Variants in PTPRN observed in about 807,000 individuals in gnomAD.
PTPRN encodes protein tyrosine phosphatase receptor type N, also known as receptor-type tyrosine-protein phosphatase-like N.
PTPRN carries 70 observed loss-of-function variants against 108.5 expected under a neutral mutation model. The ratio of observed to expected loss-of-function variants is 0.65; its 90% confidence interval spans 0.53 to 0.79. The LOEUF is 0.79. Among genes scored for constraint, PTPRN ranks in the 30% least tolerant of loss-of-function variants. The pLI is 0.00. For synonymous variants in PTPRN, 496 were observed against 524.6 expected (o/e 0.95, Z 0.75); for missense variants, 1,136 against 1,295.5 (o/e 0.88, Z 1.89).
intron 10 of PTPRN, 105 bp downstream of exon 10, chr2:219,299,595 G>A: frequency 8.0e-7 from 1 of 1,250,738 alleles, no homozygotes; most frequent in Non-Finnish European, 1.1e-6. Context: ...GCATCCCTGA[G>A]CTCAGAGCTT....
Position 219,307,565 on chromosome 2 carries a change from C to T in PTPRN, c.167-8G>A, listed in dbSNP as rs879120442. The T allele has an allele frequency of 6.2e-7, 1 of 1,612,646 alleles. No individual in the cohort carries two copies. The highest frequency in any genetic ancestry group is 8.5e-7 in the Non-Finnish European group (1 of 1,179,052). ...ACTGCCCAAACAAGCCATCTAAGGGCACAAAAGTGGTGTCAGCAGGGGGCT... is the reference window on the plus strand; with the variant it reads ...ACTGCCCAAACAAGCCATCTAAGGGTACAAAAGTGGTGTCAGCAGGGGGCT... On this transcript the variant is annotated splice_region_variant and splice_polypyrimidine_tract_variant and intron_variant, in intron 2 of 22. Coordinates refer to ENST00000295718, the MANE Select transcript of PTPRN (RefSeq NM_002846.4).
Position 219,309,340 on chromosome 2 carries a change from A to G in PTPRN, c.-8T>C. Reference sequence around the variant, plus strand: ...CCGCCGCGGGCGCCGCATCTTTCCGAGCTCCGGGCGCTCGCTCCCGGGCCG... The same window carrying G: ...CCGCCGCGGGCGCCGCATCTTTCCGGGCTCCGGGCGCTCGCTCCCGGGCCG... On this transcript the variant is annotated 5_prime_UTR_variant, in exon 1 of 23. Transcript: ENST00000295718. 7.1e-7 allele frequency: 1 copy of G among 1,399,064 alleles called. No individual in the cohort carries two copies. Among genetic ancestry groups the G allele is most frequent in the Non-Finnish European group, 9.4e-7 (1 of 1,062,482 alleles). The allele number at this position is 1,399,064 out of a possible 1,614,324, so 86.7% of individuals were successfully genotyped here. A position where few individuals can be genotyped will look rare whatever the true frequency, so the allele number is the denominator to read the frequency against.
intron 12 of PTPRN, 29 bp downstream of exon 12, chr2:219,299,018 C>A (rs757353915): frequency 6.2e-7 from 1 of 1,613,102 alleles, no homozygotes; most frequent in East Asian, 2.2e-5. Context: ...CCTCTGGGGA[C>A]TTGGACTGAT....
Position 219,290,071 on chromosome 2 carries a change from C to T in PTPRN, c.*155G>A, listed in dbSNP as rs1054106473. On this transcript the variant is annotated 3_prime_UTR_variant, in exon 23 of 23. Transcript: ENST00000295718. This position sits in a 1 kb window ranked among gnomAD's most constrained non-coding sequence, Gnocchi z 4.2. The stretch of plus-strand genomic sequence containing the variant: ...GCTCTGGCATGCGAGGCTGGGCAGG[C>T]GTGCCCCTTCTGGCTTTCCCTTCCT... The T allele has an allele frequency of 5.6e-6, 4 of 710,450 alleles. No individual in the cohort carries two copies. The highest frequency in any genetic ancestry group is 5.5e-5 in the East Asian group (2 of 36,614). 44.0% of individuals were successfully genotyped at this position (710,450 alleles called of 1,614,324 possible).
Position 219,290,537 on chromosome 2 carries a change from C to T in PTPRN, c.2868+1G>A. 6.4e-7 allele frequency: 1 copy of T among 1,551,518 alleles called. No individual in the cohort carries two copies. The highest frequency in any genetic ancestry group is 8.7e-7 in the Non-Finnish European group (1 of 1,146,866). On this transcript the variant is annotated splice_donor_variant, in intron 22 of 22. Coordinates refer to ENST00000295718, the MANE Select transcript of PTPRN (RefSeq NM_002846.4). LOFTEE classifies it high-confidence loss of function. The surrounding 1 kb of genome is among the most constrained non-coding windows in gnomAD (Gnocchi z 4.2). ...GGGTTGGGGCAGGAAGGCATGGTCA[C>T]CTTAGAGCGGACAAGGCCAGGCCGC...
chr2:219,290,657 G>GAGGAC lies in PTPRN; in HGVS notation c.2795-51_2795-47dup. The GAGGAC allele has an allele frequency of 6.5e-7, 1 of 1,527,602 alleles. No individual in the cohort carries two copies. The highest frequency in any genetic ancestry group is 8.9e-7 in the Non-Finnish European group (1 of 1,124,460). The allele number at this position is 1,527,602 out of a possible 1,614,324, so 94.6% of individuals were successfully genotyped here. A position where few individuals can be genotyped will look rare whatever the true frequency, so the allele number is the denominator to read the frequency against. On this transcript the variant is annotated intron_variant, in intron 21 of 22. Transcript: ENST00000295718. This position sits in a 1 kb window ranked among gnomAD's most constrained non-coding sequence, Gnocchi z 4.2. ...GGGGCTGCTCAGGGGGTGTCCAGAGGAGGACAGGACCCAGAAAACCTGAGG... is the reference window on the plus strand; with the variant it reads ...GGGGCTGCTCAGGGGGTGTCCAGAGGAGGACAGGACAGGACCCAGAAAACCTGAGG...
In PTPRN at chr2:219,296,630, A is replaced by C; in HGVS notation, c.2311-114T>G. 1 of 1,557,400 alleles carries C rather than the reference A, an allele frequency of 6.4e-7. No individual in the cohort carries two copies. The highest frequency in any genetic ancestry group is 8.8e-7 in the Non-Finnish European group (1 of 1,135,434). On this transcript the variant is annotated intron_variant, in intron 16 of 22. Transcript: ENST00000295718. The surrounding 1 kb of genome is among the most constrained non-coding windows in gnomAD (Gnocchi z 6.0). ...AGGCTGGCAGTTCCCCCTTGCTAGG[A>C]TATCAGGCCCCACCACTCCAGGGGG...
intron 1 of PTPRN, chr2:219,308,913 CTGTGGT>C: frequency 7.2e-7 from 1 of 1,388,792 alleles, no homozygotes; most frequent in South Asian, 1.2e-5. Context: ...GTGGCTTCTC[CTGTGGT>C]CTCGCAGCCG....
intron 10 of PTPRN, 154 bp from the exon 11 acceptor site, chr2:219,299,538 G>T: frequency 8.9e-7 from 1 of 1,128,722 alleles, no homozygotes; most frequent in Non-Finnish European, 1.3e-6. Context: ...ATGCTGGGTG[G>T]GGCCAGCAAC....
At chr2:219,307,095 A>G (rs1952502787) in intron 3 of PTPRN, 1 of 194,988 alleles carries the variant, frequency 5.1e-6, no homozygotes, top group Admixed American at 5.7e-5. Flanking sequence ...AGTACTCAAT[A>G]AATACTTGTT....
chr2:219,297,775 C>T lies in PTPRN; in HGVS notation c.1887+110G>A. On this transcript the variant is annotated intron_variant, in intron 13 of 22. Transcript: ENST00000295718. The surrounding 1 kb of genome is among the most constrained non-coding windows in gnomAD (Gnocchi z 6.0). Reference sequence around the variant, plus strand: ...TTCTCCAGCCTCCACTGGACCTTCCCAGGGATGAGGGCTCACTCCCCATTC... The same window carrying T: ...TTCTCCAGCCTCCACTGGACCTTCCTAGGGATGAGGGCTCACTCCCCATTC... 7.6e-7 allele frequency: 1 copy of T among 1,313,058 alleles called. No homozygotes were observed. Among genetic ancestry groups the T allele is most frequent in the South Asian group, 1.4e-5 (1 of 69,106 alleles). 81.3% of individuals were successfully genotyped at this position (1,313,058 alleles called of 1,614,324 possible).
At chr2:219,307,253 C>T in intron 3 of PTPRN, 191 bp downstream of exon 3, 1 of 518,324 alleles carries the variant, frequency 1.9e-6, no homozygotes, top group South Asian at 3.4e-5. Context: ...TAGAAGGCTC[C>T]TCTGGGCTTC....
rs1241354337 is a variant in PTPRN at position 219,290,518 on chromosome 2, G to C, written c.2868+20C>G. 6.5e-7 allele frequency: 1 copy of C among 1,549,096 alleles called. No homozygotes were observed. Among genetic ancestry groups the C allele is most frequent in the Non-Finnish European group, 8.7e-7 (1 of 1,144,976 alleles). On this transcript the variant is annotated intron_variant, in intron 22 of 22. Coordinates refer to ENST00000295718, the MANE Select transcript of PTPRN (RefSeq NM_002846.4). The surrounding 1 kb of genome is among the most constrained non-coding windows in gnomAD (Gnocchi z 4.2). ...TAGGGAAGGGTGGGAGCTGGGGTTG[G>C]GGCAGGAAGGCATGGTCACCTTAGA...
chr2:219,302,981 GAGAT>G, intron 4 of PTPRN, 144 bp from the exon 5 acceptor site: 2 of 636,532 alleles, frequency 3.1e-6, no homozygotes, highest in Non-Finnish European at 2.4e-6. Context: ...CAGGGGAAGA[GAGAT>G]GGGCTGGGTG....
At chr2:219,291,808 G>C (rs1014557792) in intron 19 of PTPRN, 20 of 519,808 alleles carry the variant, frequency 3.8e-5, no homozygotes, top group Non-Finnish European at 5.9e-5. Flanking sequence ...TAAAATGGAG[G>C]ATAGTAAGAA....
rs771352739 is a variant in PTPRN at position 219,302,839 on chromosome 2, T to G, written c.378-2A>C. 1.9e-6 allele frequency: 3 copies of G among 1,607,616 alleles called. No homozygotes were observed. The Admixed American group carries it at 5.3e-5, about 28-fold the overall frequency. On this transcript the variant is annotated splice_acceptor_variant, in intron 4 of 22. Transcript: ENST00000295718. LOFTEE classifies it high-confidence loss of function. ...GGTCTCTTGGGTGCCAAGCCAGACC[T>G]GTAGAGGAAAGCAAAGTGTGTGTGT...
At chr2:219,307,768 G>A in intron 2 of PTPRN, 24 bp downstream of exon 2, 3 of 1,612,862 alleles carry the variant, frequency 1.9e-6, no homozygotes, top group Non-Finnish European at 2.5e-6. Context: ...GATCTTGTGA[G>A]TTCTATGCTT....
In PTPRN at chr2:219,290,987, G is replaced by A. The variant is rs1405405958; in HGVS notation, c.2730-97C>T. ...GGCCTGGAGGCCTGGGGGAGGGGAG[G>A]ACACTGGGTGACCCGTTGGGGTTGG... On this transcript the variant is annotated intron_variant, in intron 20 of 22. Transcript: ENST00000295718. This position sits in a 1 kb window ranked among gnomAD's most constrained non-coding sequence, Gnocchi z 4.2. 1 of 1,178,972 alleles carries A rather than the reference G, an allele frequency of 8.5e-7. No homozygotes were observed. 73.0% of individuals were successfully genotyped at this position (1,178,972 alleles called of 1,614,324 possible). A position where few individuals can be genotyped will look rare whatever the true frequency, so the allele number is the denominator to read the frequency against.
Position 219,290,706 on chromosome 2 carries a change from G to A in PTPRN, c.2795-95C>T, listed in dbSNP as rs1338958080. Reference sequence around the variant, plus strand: ...GGCCTCCTGGAGGCAAAGAGCCTTGGAGGGCTGGGCAGAGCCTGGAGGTTG... The same window carrying A: ...GGCCTCCTGGAGGCAAAGAGCCTTGAAGGGCTGGGCAGAGCCTGGAGGTTG... On this transcript the variant is annotated intron_variant, in intron 21 of 22. Coordinates refer to ENST00000295718, the MANE Select transcript of PTPRN (RefSeq NM_002846.4). This position sits in a 1 kb window ranked among gnomAD's most constrained non-coding sequence, Gnocchi z 4.2. 2.0e-6 allele frequency: 3 copies of A among 1,490,404 alleles called. No homozygotes were observed. The African/African-American group carries it at 4.2e-5, about 21-fold the overall frequency. 92.3% of individuals were successfully genotyped at this position (1,490,404 alleles called of 1,614,324 possible).
Sources: allele counts gnomAD v4.1 joint callset, GRCh38; gene constraint gnomAD v4.1.1; non-coding constraint Gnocchi (gnomAD v3.1); transcripts MANE v1.5; gene names NCBI Gene and HGNC (gene_info 2026-07-23, HGNC 2026-07-21).